PEX13: variants seen among roughly 807,000 people sequenced by gnomAD.
PEX13 encodes the protein peroxisomal biogenesis factor 13.
PEX13 carries 28 observed loss-of-function variants against 34.5 expected under a neutral mutation model. The observed-to-expected ratio is 0.81, with a 90% CI of 0.60 to 1.11. PEX13 has a LOEUF of 1.11. PEX13 is among the 50% of genes most tolerant of loss of function. PEX13 has a pLI of 0.00. For missense variants in PEX13, 550 were observed against 491.0 expected (o/e 1.12, Z -1.13); for synonymous variants, 177 against 175.1 (o/e 1.01, Z -0.09).
At chr2:61,048,389 C>G (rs545102627) in intron 3 of PEX13, 83 bp from the exon 4 acceptor site, 1 of 1,142,978 alleles carries the variant, frequency 8.7e-7, no homozygotes, top group African/African-American at 1.5e-5. Context: ...ACAGATTTTC[C>G]TGAATGTGAT....
chr2:61,027,571 A>C (rs186431250), intron 1 of PEX13, among the ~76,000 whole-genome samples: 11 of 152,300 alleles, frequency 7.2e-5, no homozygotes, highest in Non-Finnish European at 1.2e-4. Flanking sequence ...TCAAGCATTG[A>C]ACTGGTTCCA....
intron 1 of PEX13, chr2:61,018,670 A>G (rs1222457143): frequency 1.3e-5 from 2 of 158,682 alleles, no homozygotes; most frequent in Non-Finnish European, 2.8e-5. Flanking sequence ...ACCCCAACAT[A>G]TTGGAATGTA....
At chr2:61,048,395 G>A in intron 3 of PEX13, 77 bp from the exon 4 acceptor site, 1 of 1,183,278 alleles carries the variant, frequency 8.5e-7, no homozygotes. Context: ...TTTCCTGAAT[G>A]TGATATTTTA....
chr2:61,040,533 C>G (rs902196797), intron 2 of PEX13, among the ~76,000 whole-genome samples: 5 of 151,808 alleles, frequency 3.3e-5, no homozygotes, highest in Non-Finnish European at 5.9e-5. Context: ...GGGAGTTGAA[C>G]AATGAGAACA....
chr2:61,042,661 TC>T lies in PEX13; in HGVS notation c.788-3064del, dbSNP rs1288509458. ...TTCTCATCACAGCAGAATTTCCGCA[TC>T]AAAATAAAAATAAAATAAAATGAGG... is the stretch of plus-strand genomic sequence containing the variant. On this transcript the variant is annotated intron_variant, in intron 2 of 3. Coordinates refer to ENST00000295030, the MANE Select transcript of PEX13 (RefSeq NM_002618.4). Among the ~76,000 whole-genome samples, 6 of 152,150 alleles carry T rather than the reference TC, an allele frequency of 3.9e-5. No individual in the cohort carries two copies. The East Asian group carries it at 1.2e-3, about 29-fold the overall frequency.
At chr2:61,026,488 C>T (rs111627275) in intron 1 of PEX13, among the ~76,000 whole-genome samples, 37 of 151,862 alleles carry the variant, frequency 2.4e-4, no homozygotes, top group African/African-American at 8.4e-4. Context: ...GCTGAGATTA[C>T]AGGCGCCCAC....
In PEX13 at chr2:61,048,538, C is replaced by G; in HGVS notation, c.980C>G (p.Pro327Arg). Residue 327 changes from proline to arginine, a missense_variant, in exon 4 of 4, where the codon CCT (proline) becomes CGT (arginine). Physicochemically the swap from Pro to Arg is moderately radical, Grantham distance 103. Transcript: ENST00000295030. ...GATGGCCAAACAACAGGACTTATACCTGCGAATTATGTCAAAATTCTTGGC... is the reference window on the plus strand; with the variant it reads ...GATGGCCAAACAACAGGACTTATACGTGCGAATTATGTCAAAATTCTTGGC... ...SLDGQTTGLI[P>R]ANYVKILGKR... 6.2e-7 allele frequency: 1 copy of G among 1,614,032 alleles called. No homozygotes were observed. The highest frequency in any genetic ancestry group is 8.5e-7 in the Non-Finnish European group (1 of 1,179,936).
chr2:61,018,371 G>A (rs754186245), intron 1 of PEX13: 25 of 1,477,450 alleles, frequency 1.7e-5, no homozygotes, highest in Non-Finnish European at 2.1e-5. Context: ...CCAGTGTTTC[G>A]GATCGAGATT....
At chr2:61,022,720 G>A (rs1680284802) in intron 1 of PEX13, among the ~76,000 whole-genome samples, 1 of 152,010 alleles carries the variant, frequency 6.6e-6, no homozygotes, top group Non-Finnish European at 1.5e-5. Flanking sequence ...TTTTAAAATT[G>A]GCCAGGTGTA....
chr2:61,022,569 A>G (rs1002155496), intron 1 of PEX13, among the ~76,000 whole-genome samples: 9 of 152,238 alleles, frequency 5.9e-5, no homozygotes, highest in African/African-American at 1.7e-4. Flanking sequence ...CTGATATGCA[A>G]TTCCAAATTC....
Position 61,035,091 on chromosome 2 carries a change from G to A in PEX13, c.787+2978G>A, listed in dbSNP as rs145097136. 3.6e-3 allele frequency among the ~76,000 whole-genome samples: 549 copies of A among 152,276 alleles called. 4 individuals carry two copies. Among genetic ancestry groups the A allele is most frequent in the African/African-American group, 0.011 (471 of 41,560 alleles). On this transcript the variant is annotated intron_variant, in intron 2 of 3. Transcript: ENST00000295030. Reference sequence around the variant, plus strand: ...GGGTCAACAGACACCTTCAACAGGCGGGTGCCCTTCTGGGACAAAGCTTGC... The same window carrying A: ...GGGTCAACAGACACCTTCAACAGGCAGGTGCCCTTCTGGGACAAAGCTTGC...
chr2:61,028,838 A>T (rs1026767986), intron 1 of PEX13, among the ~76,000 whole-genome samples: 1 of 152,188 alleles, frequency 6.6e-6, no homozygotes, highest in Non-Finnish European at 1.5e-5. Flanking sequence ...GTTCAAAAAA[A>T]TTTTTAAAGA....
chr2:61,024,010 C>T (rs72809436), intron 1 of PEX13, among the ~76,000 whole-genome samples: 21,397 of 151,762 alleles, frequency 0.14, 1,846 homozygotes, highest in Non-Finnish European at 0.19. Flanking sequence ...TTGCCAAGGC[C>T]GATCTTAAAT....
In PEX13 at chr2:61,025,726, A is replaced by C. The variant is rs1233623028; in HGVS notation, c.93-5693A>C. Among the ~76,000 whole-genome samples the C allele has an allele frequency of 3.3e-5, 5 of 152,298 alleles. No individual in the cohort carries two copies. The East Asian group carries it at 9.6e-4, about 29-fold the overall frequency. On this transcript the variant is annotated intron_variant, in intron 1 of 3. Transcript: ENST00000295030. ...ACAGTTTAATGTGATTTGAGGCCTA[A>C]GGATATCTTTCTCTAAAGACTTTTC...
rs1474916590 is a variant in PEX13 at position 61,049,703 on chromosome 2, G to C, written c.*933G>C. On this transcript the variant is annotated 3_prime_UTR_variant, in exon 4 of 4. Coordinates refer to ENST00000295030, the MANE Select transcript of PEX13 (RefSeq NM_002618.4). ...CAGGAGAATTGCTTGAACCCCAGGAGGCGGAGGTTACGCTGAGCCGGAGAT... is the reference window on the plus strand; with the variant it reads ...CAGGAGAATTGCTTGAACCCCAGGACGCGGAGGTTACGCTGAGCCGGAGAT... 6.6e-6 allele frequency: 1 copy of C among 152,234 alleles called. No homozygotes were observed. Among genetic ancestry groups the C allele is most frequent in the Admixed American group, 6.5e-5 (1 of 15,284 alleles). The allele number at this position is 152,234 out of a possible 1,614,324, so 9.4% of individuals were successfully genotyped here.
chr2:61,047,182 G>A (rs1484234537), intron 3 of PEX13, among the ~76,000 whole-genome samples: 3 of 151,720 alleles, frequency 2.0e-5, no homozygotes, highest in Non-Finnish European at 4.4e-5. Context: ...TTGAGACAGA[G>A]TCTAGCTCTG....
At chr2:61,048,410 T>A in intron 3 of PEX13, 62 bp from the exon 4 acceptor site, 1 of 1,332,002 alleles carries the variant, frequency 7.5e-7, no homozygotes, top group Non-Finnish European at 1.1e-6. Flanking sequence ...ATTTTACCAT[T>A]ACTATTCTGT....
In PEX13 at chr2:61,051,378, T is replaced by C. The variant is rs1478431009; in HGVS notation, c.*2608T>C. ...GTAGAAGTGACCACTATTAAAGATG[T>C]ATAGGGAGAAGAGTACAGCACAAAG... On this transcript the variant is annotated 3_prime_UTR_variant, in exon 4 of 4. Transcript: ENST00000295030. The C allele has an allele frequency of 1.3e-5, 2 of 152,330 alleles. No individual in the cohort carries two copies. Among genetic ancestry groups the C allele is most frequent in the Non-Finnish European group, 2.9e-5 (2 of 68,024 alleles). 9.4% of individuals were successfully genotyped at this position (152,330 alleles called of 1,614,324 possible).
At chr2:61,017,978 T>C in intron 1 of PEX13, 127 bp downstream of exon 1, 1 of 1,317,628 alleles carries the variant, frequency 7.6e-7, no homozygotes, top group East Asian at 2.5e-5. Flanking sequence ...ACCTTGGGGA[T>C]AGGGGCCGAG....
Sources: allele counts gnomAD v4.1 joint callset (sites outside exome capture counted in the v4.1 genomes callset), GRCh38; gene constraint gnomAD v4.1.1; transcripts MANE v1.5; gene names NCBI Gene and HGNC (gene_info 2026-07-23, HGNC 2026-07-21).